PDXK: variants seen among roughly 807,000 people sequenced by gnomAD.
PDXK encodes pyridoxal kinase.
Under a neutral mutation model 43.2 loss-of-function variants are expected in PDXK, and 15 were observed. The observed-to-expected ratio is 0.35, with a 90% CI of 0.23 to 0.53. PDXK has a LOEUF of 0.53. PDXK is among the 20% of genes least tolerant of loss of function. The pLI, the probability that PDXK is intolerant of heterozygous loss-of-function variation, is 0.92. For missense variants in PDXK, 343 were observed against 417.0 expected (o/e 0.82, Z 1.54); for synonymous variants, 172 against 165.4 (o/e 1.04, Z -0.31).
chr21:43,721,552 A>T (rs2083206395), intron 1 of PDXK: 1 of 152,364 alleles, frequency 6.6e-6, no homozygotes, highest in East Asian at 1.9e-4. Flanking sequence ...TGGGGGTCCC[A>T]CCTCAAAGCA....
intron 2 of PDXK, among the ~76,000 whole-genome samples, chr21:43,736,546 C>T (rs377632841): frequency 1.3e-4 from 19 of 151,968 alleles, no homozygotes; most frequent in African/African-American, 3.9e-4. Flanking sequence ...GCACAGGCTG[C>T]GCCTGATTTG....
intron 1 of PDXK, among the ~76,000 whole-genome samples, chr21:43,720,378 G>A (rs1601775174): frequency 6.6e-6 from 1 of 152,240 alleles, no homozygotes; most frequent in East Asian, 1.9e-4. Context: ...GGGGCCTGCG[G>A]TGCGGGCTGG....
intron 2 of PDXK, among the ~76,000 whole-genome samples, chr21:43,740,566 C>T (rs543471065): frequency 6.6e-6 from 1 of 152,078 alleles, no homozygotes; most frequent in Admixed American, 6.6e-5. Flanking sequence ...GATGGCTGCC[C>T]CCTGAGCAGT....
At position 43,735,212 on chromosome 21, in the gene PDXK, C is replaced by T. The variant is rs2083383188; in HGVS notation, c.142+1089C>T. ...AGACTCAGGCCCTCCAGGAGCCTCCCTGAACCCACATGTCCTTCCTGGCTG... is the reference window on the plus strand; with the variant it reads ...AGACTCAGGCCCTCCAGGAGCCTCCTTGAACCCACATGTCCTTCCTGGCTG... On this transcript the variant is annotated intron_variant, in intron 2 of 10. Transcript: ENST00000291565. This position sits in a 1 kb window ranked among gnomAD's most constrained non-coding sequence, Gnocchi z 5.3. Among the ~76,000 whole-genome samples, 2 of 152,262 alleles carry T rather than the reference C, an allele frequency of 1.3e-5. No homozygotes were observed. The highest frequency in any genetic ancestry group is 4.1e-4 in the South Asian group (2 of 4,832).
In PDXK at chr21:43,737,766, G is replaced by A; in HGVS notation, c.142+3643G>A. 1 of 985,344 alleles carries A rather than the reference G, an allele frequency of 1.0e-6. No homozygotes were observed. Among genetic ancestry groups the A allele is most frequent in the Non-Finnish European group, 1.2e-6 (1 of 829,870 alleles). 61.0% of individuals were successfully genotyped at this position (985,344 alleles called of 1,614,324 possible). On this transcript the variant is annotated intron_variant, in intron 2 of 10. Transcript: ENST00000291565. This position sits in a 1 kb window ranked among gnomAD's most constrained non-coding sequence, Gnocchi z 4.8. Reference sequence around the variant, plus strand: ...GGGGCCAGGCCGGGCCAGACTCCCTGGCCGGCTGGGATCTGACAGGAGTGC... The same window carrying A: ...GGGGCCAGGCCGGGCCAGACTCCCTAGCCGGCTGGGATCTGACAGGAGTGC...
chr21:43,744,101 G>A (rs185748206), intron 4 of PDXK, among the ~76,000 whole-genome samples: 120 of 152,256 alleles, frequency 7.9e-4, no homozygotes, highest in Admixed American at 7.8e-3. Flanking sequence ...TGGGGCCCAG[G>A]CAGCACTGTT....
In PDXK at chr21:43,753,706, C is replaced by T. The variant is rs1177445508; in HGVS notation, c.746C>T (p.Pro249Leu). ...CTCCTGGCGTGGACACACAAGCACCCCAATAACCTCAAGGTCAGCCACACG... is the reference window on the plus strand; with the variant it reads ...CTCCTGGCGTGGACACACAAGCACCTCAATAACCTCAAGGTCAGCCACACG... ...AMLLAWTHKHPNNLKVACEKT... is the reference protein window; with the variant it reads ...AMLLAWTHKHLNNLKVACEKT... The change falls in exon 9 of 11, where the codon CCC becomes CTC. Residue 249 changes from proline to leucine, a missense_variant. Transcript: ENST00000291565. 1.2e-6 allele frequency: 2 copies of T among 1,612,598 alleles called. No individual in the cohort carries two copies. Among genetic ancestry groups the T allele is most frequent in the Admixed American group, 3.3e-5 (2 of 59,872 alleles).
Position 43,751,259 on chromosome 21 carries a change from G to T in PDXK, c.510+714G>T, listed in dbSNP as rs907565887. ...GAGACTGGATGATTTATAAAAAACA[G>T]AACTTTTGGCCGGATGCAGTGGCTC... On this transcript the variant is annotated intron_variant, in intron 7 of 10. Coordinates refer to ENST00000291565, the MANE Select transcript of PDXK (RefSeq NM_003681.5). Among the ~76,000 whole-genome samples, 8 of 152,336 alleles carry T rather than the reference G, an allele frequency of 5.3e-5. 1 individual carries two copies. Among genetic ancestry groups the T allele is most frequent in the Admixed American group, 5.2e-4 (8 of 15,296 alleles).
chr21:43,755,366 C>T (rs187379691), intron 9 of PDXK: 1 of 289,890 alleles, frequency 3.4e-6, no homozygotes, highest in Non-Finnish European at 6.6e-6. Flanking sequence ...CCCTTGTAGA[C>T]TCGTTATAAG....
chr21:43,753,535 G>T (rs773908726), intron 8 of PDXK, 48 bp from the exon 9 acceptor site: 2 of 1,573,886 alleles, frequency 1.3e-6, no homozygotes, highest in South Asian at 2.3e-5. Context: ...GCTGGCCCTG[G>T]CAGAGGAGCG....
chr21:43,735,277 G>A lies in PDXK; in HGVS notation c.142+1154G>A, dbSNP rs1384654846. ...CTTTAGGATTTATTTTTCAGTGAGT[G>A]AGCTGGCCGGCTTGGACACTAAAGC... On this transcript the variant is annotated intron_variant, in intron 2 of 10. Transcript: ENST00000291565. The surrounding 1 kb of genome is among the most constrained non-coding windows in gnomAD (Gnocchi z 5.3). Among the ~76,000 whole-genome samples the A allele has an allele frequency of 1.3e-5, 2 of 152,246 alleles. No individual in the cohort carries two copies. Among genetic ancestry groups the A allele is most frequent in the Non-Finnish European group, 2.9e-5 (2 of 68,036 alleles).
At position 43,735,221 on chromosome 21, in the gene PDXK, C is replaced by G. The variant is rs2083383308; in HGVS notation, c.142+1098C>G. On this transcript the variant is annotated intron_variant, in intron 2 of 10. Transcript: ENST00000291565. This position sits in a 1 kb window ranked among gnomAD's most constrained non-coding sequence, Gnocchi z 5.3. The stretch of plus-strand genomic sequence containing the variant: ...CCCTCCAGGAGCCTCCCTGAACCCA[C>G]ATGTCCTTCCTGGCTGCTCTCGCCA... 6.6e-6 allele frequency among the ~76,000 whole-genome samples: 1 copy of G among 152,268 alleles called. No homozygotes were observed. Among genetic ancestry groups the G allele is most frequent in the Non-Finnish European group, 1.5e-5 (1 of 68,046 alleles).
chr21:43,749,661 T>A (rs1209576946), intron 6 of PDXK, among the ~76,000 whole-genome samples: 1 of 151,828 alleles, frequency 6.6e-6, no homozygotes, highest in Non-Finnish European at 1.5e-5. Context: ...CCATGGGTGA[T>A]GGGGATGGTT....
At chr21:43,750,984 A>G (rs578212973) in intron 7 of PDXK, among the ~76,000 whole-genome samples, 1 of 142,564 alleles carries the variant, frequency 7.0e-6, no homozygotes, top group African/African-American at 2.6e-5. Flanking sequence ...GTGTGTGCAC[A>G]TGTGTGTGAA....
intron 7 of PDXK, among the ~76,000 whole-genome samples, chr21:43,750,962 A>ATATGTG (rs36141783): frequency 0.22 from 32,472 of 150,626 alleles, 3,717 homozygotes; most frequent in East Asian, 0.36. Context: ...ATGTGTGTGC[A>ATATGTG]TGTGTGTGTG....
rs563612036 is a variant in PDXK at position 43,727,478 on chromosome 21, TG to T, written c.88-6590del. ...AGACAAGCCTGCCAGCCCCTGTCCC[TG>T]TCCTTGGCCACTCCTCCGGCAGCTT... On this transcript the variant is annotated intron_variant, in intron 1 of 10. Coordinates refer to ENST00000291565, the MANE Select transcript of PDXK (RefSeq NM_003681.5). Among the ~76,000 whole-genome samples the T allele has an allele frequency of 3.6e-3, 549 of 152,312 alleles. 3 individuals are homozygous for T. Among genetic ancestry groups the T allele is most frequent in the Non-Finnish European group, 6.1e-3 (416 of 68,010 alleles).
intron 9 of PDXK, 135 bp from the exon 10 acceptor site, chr21:43,755,563 T>G: frequency 1.3e-6 from 1 of 768,590 alleles, no homozygotes. Context: ...AGCACGTGCA[T>G]TGGCGGAGCC....
At chr21:43,746,719 A>G (rs578192680) in intron 5 of PDXK, among the ~76,000 whole-genome samples, 27 of 151,876 alleles carry the variant, frequency 1.8e-4, no homozygotes, top group African/African-American at 6.5e-4. Context: ...ACGCCCAGCC[A>G]TGGATGACTA....
At chr21:43,743,612 C>G in intron 3 of PDXK, 112 bp from the exon 4 acceptor site, 1 of 748,214 alleles carries the variant, frequency 1.3e-6, no homozygotes, top group South Asian at 1.5e-5. Context: ...CACCCACCTC[C>G]CTCCCCAGCC....
Sources: allele counts gnomAD v4.1 joint callset (sites outside exome capture counted in the v4.1 genomes callset), GRCh38; gene constraint gnomAD v4.1.1; non-coding constraint Gnocchi (gnomAD v3.1); transcripts MANE v1.5; gene names NCBI Gene and HGNC (gene_info 2026-07-23, HGNC 2026-07-21).